Variants in NOTCH1 observed in about 807,000 individuals in gnomAD.
NOTCH1 encodes the protein notch receptor 1, also known as neurogenic locus notch homolog protein 1.
NOTCH1 carries 37 observed loss-of-function variants against 254.8 expected under a neutral mutation model. The ratio of observed to expected loss-of-function variants is 0.15; its 90% CI spans 0.11 to 0.19. NOTCH1 has a LOEUF of 0.19. Among genes scored for constraint, NOTCH1 ranks in the 10% least tolerant of loss-of-function variants. The pLI is 1.00. For missense variants in NOTCH1, 2,972 were observed against 3,708.6 expected (o/e 0.80, Z 5.16); for synonymous variants, 1,731 against 1,618.1 (o/e 1.07, Z -1.68).
chr9:136,518,861 C>T (rs2133371850), intron 5 of NOTCH1, 37 bp from the exon 6 acceptor site: 1 of 1,587,716 alleles, frequency 6.3e-7, no homozygotes. Flanking sequence ...CGGGCAGCTG[C>T]CACTCCCTGA....
chr9:136,495,615 G>A lies in NOTCH1; in HGVS notation c.*456C>T, dbSNP rs995848807. On this transcript the variant is annotated 3_prime_UTR_variant, in exon 34 of 34. Transcript: ENST00000651671. ...GGCTTGGGGTTGGGTGGGCGTCGGG[G>A]AAAGGGCGCGGCCTGGACGCCCCAG... 12 of 400,052 alleles carry A rather than the reference G, an allele frequency of 3.0e-5. No homozygotes were observed. The highest frequency in any genetic ancestry group is 4.4e-5 in the Admixed American group (1 of 22,876). 24.8% of individuals were successfully genotyped at this position (400,052 alleles called of 1,614,324 possible).
rs373554818 is a variant in NOTCH1, at chr9:136,522,822, G to A, written c.742+28C>T. ...GGGCCTGGCAGCCGGGGAGGGGCTC[G>A]TGCACCCCGGCCAGCGGGCAGCACT... On this transcript the variant is annotated intron_variant, in intron 4 of 33. Coordinates refer to ENST00000651671, the MANE Select transcript of NOTCH1 (RefSeq NM_017617.5). 160 of 1,455,342 alleles carry A rather than the reference G, an allele frequency of 1.1e-4. No homozygotes were observed. In the African/African-American group the frequency reaches 1.7e-3, roughly 15 times the overall value. 90.2% of individuals were successfully genotyped at this position (1,455,342 alleles called of 1,614,324 possible). A position where few individuals can be genotyped will look rare whatever the true frequency, so the allele number is the denominator to read the frequency against.
Position 136,522,538 on chromosome 9 carries a change from T to C in NOTCH1, c.742+312A>G, listed in dbSNP as rs551828388. 10 of 404,248 alleles carry C rather than the reference T, an allele frequency of 2.5e-5. No individual in the cohort carries two copies. In the South Asian group the frequency reaches 4.8e-4, roughly 19 times the overall value. 25.0% of individuals were successfully genotyped at this position (404,248 alleles called of 1,614,324 possible). On this transcript the variant is annotated intron_variant, in intron 4 of 33. Coordinates refer to ENST00000651671, the MANE Select transcript of NOTCH1 (RefSeq NM_017617.5). The stretch of plus-strand genomic sequence containing the variant: ...CCCAGCCCCACTGCAGGGGAAACCC[T>C]GGGGGTTGCGCAAGTCAGGGTGCCT...
chr9:136,506,370 C>T lies in NOTCH1; in HGVS notation c.4014+157G>A, dbSNP rs1258500836. On this transcript the variant is annotated intron_variant, in intron 24 of 33. Transcript: ENST00000651671. The surrounding 1 kb of genome is among the most constrained non-coding windows in gnomAD (Gnocchi z 4.5). ...TATAAATCTAAAATGTCTCTAAAAT[C>T]ATTTATTGAAACTAAAAAAAAAAAA... Among the ~76,000 whole-genome samples, 1 of 148,842 alleles carries T rather than the reference C, an allele frequency of 6.7e-6. No individual in the cohort carries two copies. Among genetic ancestry groups the T allele is most frequent in the Non-Finnish European group, 1.5e-5 (1 of 67,538 alleles).
Position 136,509,925 on chromosome 9 carries a change from A to G in NOTCH1, c.2777T>C (p.Ile926Thr). Residue 926 changes from isoleucine (I) to threonine (T), a missense_variant, in exon 18 of 34, where the codon ATC becomes ACC. Physicochemically the swap from Ile to Thr is moderately conservative, Grantham distance 89. Coordinates refer to ENST00000651671, the MANE Select transcript of NOTCH1 (RefSeq NM_017617.5). Reference sequence around the variant, plus strand: ...CAGGCAGTCGCAGAAGGCCGTGTTGATGCCGTCTGTGCAGGAGCCCCCGTT... The same window carrying G: ...CAGGCAGTCGCAGAAGGCCGTGTTGGTGCCGTCTGTGCAGGAGCCCCCGTT... ...CHNGGSCTDG[I>T]NTAFCDCLPG... The G allele has an allele frequency of 6.2e-7, 1 of 1,613,238 alleles. No homozygotes were observed. Among genetic ancestry groups the G allele is most frequent in the Non-Finnish European group, 8.5e-7 (1 of 1,180,008 alleles).
chr9:136,536,832 G>A (rs554296740), intron 2 of NOTCH1, among the ~76,000 whole-genome samples: 11 of 152,358 alleles, frequency 7.2e-5, no homozygotes, highest in African/African-American at 2.2e-4. Flanking sequence ...TGCATCTGCC[G>A]TGCCCACCCA....
chr9:136,528,911 C>T (rs963618063), intron 2 of NOTCH1, among the ~76,000 whole-genome samples: 1 of 152,150 alleles, frequency 6.6e-6, no homozygotes, highest in Non-Finnish European at 1.5e-5. Flanking sequence ...AGGAGCCAAT[C>T]GCTAGGCGGC....
intron 2 of NOTCH1, among the ~76,000 whole-genome samples, chr9:136,531,638 G>A (rs971295077): frequency 5.9e-5 from 9 of 152,166 alleles, no homozygotes; most frequent in African/African-American, 2.2e-4. Flanking sequence ...CAGCAGGAGG[G>A]CACCGATGCC....
chr9:136,544,297 G>A (rs1012377605), intron 1 of NOTCH1, among the ~76,000 whole-genome samples, 195 bp from the exon 2 acceptor site: 1 of 152,310 alleles, frequency 6.6e-6, no homozygotes, highest in African/African-American at 2.4e-5. Flanking sequence ...CCAAAGGGGC[G>A]TCAACATTCT....
chr9:136,513,280 G>C lies in NOTCH1; in HGVS notation c.2353+112C>G, dbSNP rs537344675. On this transcript the variant is annotated intron_variant, in intron 14 of 33. Coordinates refer to ENST00000651671, the MANE Select transcript of NOTCH1 (RefSeq NM_017617.5). This position sits in a 1 kb window ranked among gnomAD's most constrained non-coding sequence, Gnocchi z 4.7. The stretch of plus-strand genomic sequence containing the variant: ...AGGCCTGGAGCTAAGGCTTTGCCAC[G>C]GGAGGGAGACACCATGCATGGTGCT... The C allele has an allele frequency of 6.5e-7, 1 of 1,544,088 alleles. No individual in the cohort carries two copies. The highest frequency in any genetic ancestry group is 8.9e-7 in the Non-Finnish European group (1 of 1,125,358).
At chr9:136,499,577 T>G (rs1273882794) in intron 31 of NOTCH1, among the ~76,000 whole-genome samples, 1 of 152,226 alleles carries the variant, frequency 6.6e-6, no homozygotes, top group Non-Finnish European at 1.5e-5. Context: ...GTCAAGTCCC[T>G]GCCCCCAACG....
In NOTCH1 at chr9:136,505,098, C is replaced by T. The variant is rs757510080; in HGVS notation, c.4593G>A (p.Leu1531=). The stretch of plus-strand genomic sequence containing the variant: ...AGTGGTCCTTGCAGTACTGGTCGTA[C>T]AGGGGGCTGTGGGGGGCGGGACACG... The part of the protein sequence containing the change: ...CQRAEGQCNP[L]YDQYCKDHFS... The change falls in exon 26 of 34, where the codon CTG becomes CTA. Residue 1531 remains leucine, a synonymous_variant. Coordinates refer to ENST00000651671, the MANE Select transcript of NOTCH1 (RefSeq NM_017617.5). The T allele has an allele frequency of 2.5e-6, 4 of 1,609,090 alleles. No individual in the cohort carries two copies. The Admixed American group carries it at 5.0e-5, about 20-fold the overall frequency.
In NOTCH1 at chr9:136,504,991, T is replaced by A. The variant is rs2133337331; in HGVS notation, c.4700A>T (p.Glu1567Val). The A allele has an allele frequency of 1.3e-6, 2 of 1,597,978 alleles. No homozygotes were observed. The highest frequency in any genetic ancestry group is 1.1e-5 in the South Asian group (1 of 88,660). The change falls in exon 26 of 34, where the codon GAG (glutamate) becomes GTG (valine). Residue 1567 changes from glutamate (E) to valine (V), a missense_variant. This residue lies in a region of NOTCH1 where 1,343 missense variants were observed against 1,557.0 expected (regional missense o/e 0.86). Coordinates refer to ENST00000651671, the MANE Select transcript of NOTCH1 (RefSeq NM_017617.5). ...DGLDCAEHVP[E>V]RLAAGTLVVV... ...CACCAGCGTGCCGGCCGCCAGCCTC[T>A]CGGGTACATGCTCCGCACAGTCCAG...
At chr9:136,518,055 CT>C (rs1843305684) in intron 7 of NOTCH1, 81 bp downstream of exon 7, 11 of 1,553,314 alleles carry the variant, frequency 7.1e-6, no homozygotes, top group African/African-American at 1.4e-5. Flanking sequence ...TGGGCACCCC[CT>C]GAAGCCAGAA....
rs1371634105 is a variant in NOTCH1, at chr9:136,522,675, C to T, written c.742+175G>A. 9.3e-6 allele frequency: 6 copies of T among 642,094 alleles called. No individual in the cohort carries two copies. The East Asian group carries it at 1.4e-4, about 15-fold the overall frequency. The allele number at this position is 642,094 out of a possible 1,614,324, so 39.8% of individuals were successfully genotyped here. ...AAGCCTCCTCCCAGCGCACACCCCG[C>T]TCCAGACGCGTCCCCCCGACACCAC... On this transcript the variant is annotated intron_variant, in intron 4 of 33. Transcript: ENST00000651671.
chr9:136,520,839 C>T (rs537778996), intron 4 of NOTCH1, among the ~76,000 whole-genome samples: 5 of 152,270 alleles, frequency 3.3e-5, no homozygotes, highest in East Asian at 1.9e-4. Flanking sequence ...GCTGGGCCTG[C>T]GACCCCAGGG....
Position 136,544,059 on chromosome 9 carries a change from C to T in NOTCH1, c.105G>A (p.Gly35=). ...CCGTGCCATTGGCCGCTTCACACTT[C>T]CCGCCATTCAGGCAGGTCTCACCGG... is the stretch of plus-strand genomic sequence containing the variant. ...SQPGETCLNG[G]KCEAANGTEA... The change falls in exon 2 of 34, where the codon GGG becomes GGA. Residue 35 remains glycine (G), a synonymous_variant. Transcript: ENST00000651671. The T allele has an allele frequency of 6.3e-7, 1 of 1,580,540 alleles. No homozygotes were observed. The highest frequency in any genetic ancestry group is 8.6e-7 in the Non-Finnish European group (1 of 1,164,440).
In NOTCH1 at chr9:136,513,678, G is replaced by A; in HGVS notation, c.2208-141C>T. 1 of 924,250 alleles carries A rather than the reference G, an allele frequency of 1.1e-6. No homozygotes were observed. The highest frequency in any genetic ancestry group is 1.5e-5 in the South Asian group (1 of 66,514). The allele number at this position is 924,250 out of a possible 1,614,324, so 57.3% of individuals were successfully genotyped here. ...TCGCAGAGTCCTTTAGTGGGGGCAG[G>A]CTGGGCGCTGTGGCTCACACCTGTA... On this transcript the variant is annotated intron_variant, in intron 13 of 33. Transcript: ENST00000651671. This position sits in a 1 kb window ranked among gnomAD's most constrained non-coding sequence, Gnocchi z 4.7.
chr9:136,529,126 C>T (rs1005342987), intron 2 of NOTCH1, among the ~76,000 whole-genome samples: 15 of 152,258 alleles, frequency 9.9e-5, no homozygotes, highest in Admixed American at 6.5e-4. Flanking sequence ...CTTCTACCTA[C>T]GCCACTGACA....
Sources: allele counts gnomAD v4.1 joint callset (sites outside exome capture counted in the v4.1 genomes callset), GRCh38; gene constraint gnomAD v4.1.1; regional missense constraint gnomAD v4.1.1; non-coding constraint Gnocchi (gnomAD v3.1); transcripts MANE v1.5; gene names NCBI Gene and HGNC (gene_info 2026-07-23, HGNC 2026-07-21).